CFAP70: variants seen among roughly 807,000 people sequenced by gnomAD.
The protein encoded by CFAP70 is cilia and flagella associated protein 70.
CFAP70 carries 81 observed loss-of-function variants against 137.6 expected under a neutral mutation model. The ratio of observed to expected loss-of-function variants is 0.59; its 90% CI spans 0.49 to 0.71. The LOEUF (loss-of-function observed/expected upper bound fraction) is 0.71, where lower values mean the gene tolerates loss of function less well. CFAP70 is among the 30% of genes least tolerant of loss of function. CFAP70 has a pLI of 0.00. For missense variants in CFAP70, 976 were observed against 1,226.7 expected, an observed-to-expected ratio of 0.80 and a Z score of 3.05; for synonymous variants, 382 against 423.6, an observed-to-expected ratio of 0.90 and a Z score of 1.20.
chr10:73,338,253 C>T (rs1278564077), intron 6 of CFAP70, among the ~76,000 whole-genome samples: 6 of 148,300 alleles, frequency 4.0e-5, no homozygotes, highest in Middle Eastern at 3.6e-3. Context: ...CGGGTTCAAG[C>T]GATTCTCTTG....
intron 19 of CFAP70, among the ~76,000 whole-genome samples, chr10:73,284,801 TATAA>T (rs2047558752): frequency 2.3e-5 from 2 of 85,862 alleles, no homozygotes; most frequent in East Asian, 3.6e-4. Flanking sequence ...TATATATATA[TATAA>T]AAGTTGTTTT....
At chr10:73,312,133 T>A (rs549856830) in intron 10 of CFAP70, among the ~76,000 whole-genome samples, 5 of 152,064 alleles carry the variant, frequency 3.3e-5, no homozygotes, top group Middle Eastern at 3.4e-3. Flanking sequence ...CACTCATAAG[T>A]GGGAGTTGAA....
At chr10:73,284,160 T>C (rs2047466114) in intron 19 of CFAP70, among the ~76,000 whole-genome samples, 1 of 152,234 alleles carries the variant, frequency 6.6e-6, no homozygotes, top group Non-Finnish European at 1.5e-5. Context: ...TTTATTTCCT[T>C]GCCTTTTCAG....
intron 7 of CFAP70, among the ~76,000 whole-genome samples, chr10:73,334,829 C>T (rs1589530126): frequency 6.6e-6 from 1 of 151,116 alleles, no homozygotes; most frequent in African/African-American, 2.4e-5. Context: ...CCACCCGCCT[C>T]GGCCTTTCAA....
chr10:73,306,224 T>C (rs961889507), intron 12 of CFAP70, among the ~76,000 whole-genome samples: 3 of 152,120 alleles, frequency 2.0e-5, no homozygotes, highest in Non-Finnish European at 2.9e-5. Flanking sequence ...ATACACATTA[T>C]GGAAGTTCTG....
intron 19 of CFAP70, 148 bp from the exon 21 acceptor site, chr10:73,278,485 T>G: frequency 1.5e-6 from 1 of 656,860 alleles, no homozygotes; most frequent in Non-Finnish European, 2.4e-6. Context: ...TTGTTTATAT[T>G]TTTTAATAAT....
At chr10:73,315,216 CAAAA>C (rs58468801) in intron 9 of CFAP70, among the ~76,000 whole-genome samples, 11,639 of 63,882 alleles carry the variant, frequency 0.18, 596 homozygotes, top group East Asian at 0.45. Context: ...GACCCCATCT[CAAAA>C]AAAAAAAAAA....
intron 19 of CFAP70, among the ~76,000 whole-genome samples, chr10:73,285,598 A>T (rs1033161994): frequency 1.3e-5 from 2 of 151,738 alleles, no homozygotes; most frequent in African/African-American, 4.8e-5. Flanking sequence ...AAATGCAGAA[A>T]CCCAGGGTTT....
At chr10:73,280,114 C>G (rs890513820) in intron 19 of CFAP70, among the ~76,000 whole-genome samples, 2 of 152,034 alleles carry the variant, frequency 1.3e-5, no homozygotes, top group Admixed American at 1.3e-4. Context: ...GATCTTACAA[C>G]CCTGCTTAAA....
Position 73,335,412 on chromosome 10 carries a change from C to CCTTCCTCTTCTTCTGT in CFAP70, c.677+17_677+18insACAGAAGAAGAGGAAG. The CCTTCCTCTTCTTCTGT allele has an allele frequency of 6.4e-7, 1 of 1,568,830 alleles. No individual in the cohort carries two copies. On this transcript the variant is annotated intron_variant, in intron 7 of 26. Coordinates refer to ENST00000310715, the Ensembl canonical transcript of CFAP70. ...AAGCCTTTGTGGGTTAGACATATGT[C>CCTTCCTCTTCTTCTGT]CTTCCTCTTCTTCTTACCTGACCAC... is the stretch of plus-strand genomic sequence containing the variant.
intron 13 of CFAP70, among the ~76,000 whole-genome samples, chr10:73,299,303 C>T (rs1431207580): frequency 6.6e-6 from 1 of 152,052 alleles, no homozygotes; most frequent in Non-Finnish European, 1.5e-5. Flanking sequence ...GAACTCCTGG[C>T]CTCAAGCAAC....
At chr10:73,258,032 AC>A (rs1237666399) in intron 25 of CFAP70, among the ~76,000 whole-genome samples, 3 of 152,154 alleles carry the variant, frequency 2.0e-5, no homozygotes, top group African/African-American at 7.2e-5. Context: ...AGCTAGGATT[AC>A]AGATGTTGTA....
intron 19 of CFAP70, among the ~76,000 whole-genome samples, chr10:73,281,729 A>G (rs1425255913): frequency 6.6e-6 from 1 of 152,220 alleles, no homozygotes; most frequent in African/African-American, 2.4e-5. Context: ...TAGTAAAGAC[A>G]TGGAATCTAG....
intron 3 of CFAP70, among the ~76,000 whole-genome samples, chr10:73,349,104 A>T (rs555735948): frequency 6.6e-6 from 1 of 152,206 alleles, no homozygotes; most frequent in East Asian, 1.9e-4. Context: ...ATTATATAAC[A>T]AAGCTTCATA....
chr10:73,362,436 T>G (rs1405612751), upstream of CFAP70, among the ~76,000 whole-genome samples: 2 of 152,206 alleles, frequency 1.3e-5, no homozygotes, highest in Non-Finnish European at 2.9e-5. Flanking sequence ...AGGATACTAT[T>G]TGTGTCTTCA....
chr10:73,294,976 A>T (rs2048425903), intron 15 of CFAP70: 1 of 152,134 alleles, frequency 6.6e-6, no homozygotes, highest in Admixed American at 6.6e-5. Context: ...CACTCTGCTG[A>T]CTTTTTCCCA....
chr10:73,274,468 G>C, exon 23 of CFAP70: 1 of 1,613,728 alleles, frequency 6.2e-7, no homozygotes, highest in Non-Finnish European at 8.5e-7. Flanking sequence ...CCCAGTCTCA[G>C]GAAGATGAAG....
intron 1 of CFAP70, among the ~76,000 whole-genome samples, chr10:73,357,089 G>C (rs1278655890): frequency 6.6e-6 from 1 of 152,146 alleles, no homozygotes; most frequent in African/African-American, 2.4e-5. Flanking sequence ...ACACAGGGAG[G>C]AAAAGGGGGG....
At chr10:73,269,394 T>C (rs952606149) in intron 25 of CFAP70, among the ~76,000 whole-genome samples, 1 of 152,210 alleles carries the variant, frequency 6.6e-6, no homozygotes, top group Non-Finnish European at 1.5e-5. Context: ...TTTTAGAACT[T>C]CCTTTCCAGA....
Sources: allele counts gnomAD v4.1 joint callset (sites outside exome capture counted in the v4.1 genomes callset), GRCh38; gene constraint gnomAD v4.1.1; transcripts MANE v1.5; gene names NCBI Gene and HGNC (gene_info 2026-07-23, HGNC 2026-07-21).